Variants in PLA2R1 observed in about 807,000 individuals in gnomAD.
PLA2R1 encodes secretory phospholipase A2 receptor.
PLA2R1 carries 158 observed loss-of-function variants against 195.9 expected under a neutral mutation model. The observed-to-expected ratio is 0.81, with a 90% CI of 0.71 to 0.92. PLA2R1 has a LOEUF of 0.92. Among genes scored for constraint, PLA2R1 ranks in the 40% least tolerant of loss-of-function variants. PLA2R1 has a pLI of 0.00. For synonymous variants in PLA2R1, 586 were observed against 598.2 expected (o/e 0.98, Z 0.30); for missense variants, 1,626 against 1,764.6 (o/e 0.92, Z 1.41).
intron 14 of PLA2R1, among the ~76,000 whole-genome samples, chr2:159,979,060 A>G (rs1255513574): frequency 6.6e-6 from 1 of 152,186 alleles, no homozygotes; most frequent in Non-Finnish European, 1.5e-5. Context: ...AGCGCTTGGA[A>G]CAGTATAAGG....
intron 28 of PLA2R1, among the ~76,000 whole-genome samples, chr2:159,943,591 AG>A (rs1659049483): frequency 6.6e-6 from 1 of 151,640 alleles, no homozygotes; most frequent in African/African-American, 2.4e-5. Context: ...ATGTAGCCTC[AG>A]TTTGCACAGG....
intron 23 of PLA2R1, among the ~76,000 whole-genome samples, chr2:159,953,318 ATT>A (rs765662729): frequency 1.3e-5 from 2 of 152,120 alleles, no homozygotes; most frequent in African/African-American, 4.8e-5. Flanking sequence ...CAGTTTCTTA[ATT>A]TTTTTGGCAG....
chr2:159,929,615 A>C (rs1204753989), downstream of PLA2R1, among the ~76,000 whole-genome samples: 1 of 152,226 alleles, frequency 6.6e-6, no homozygotes, highest in East Asian at 1.9e-4. Context: ...AACTAAAGGT[A>C]GAACTACCAT....
At position 160,007,612 on chromosome 2, in the gene PLA2R1, C is replaced by G. The variant is rs1692085995; in HGVS notation, c.1665-1791G>C. On this transcript the variant is annotated intron_variant, in intron 10 of 29. Coordinates refer to ENST00000283243, the MANE Select transcript of PLA2R1 (RefSeq NM_007366.5). ...GAAGAAAGTTAAGAAAATAACTCCA[C>G]TTACAATAGTGCCCCCAAAATACAT... Among the ~76,000 whole-genome samples, 6 of 152,196 alleles carry G rather than the reference C, an allele frequency of 3.9e-5. No homozygotes were observed. In the South Asian group the frequency reaches 1.2e-3, roughly 32 times the overall value.
intron 25 of PLA2R1, among the ~76,000 whole-genome samples, 161 bp from the exon 26 acceptor site, chr2:159,947,720 T>A (rs1475499194): frequency 1.3e-5 from 2 of 152,214 alleles, no homozygotes; most frequent in Non-Finnish European, 2.9e-5. Context: ...ATTATAAAAC[T>A]AGGACCAGTT....
chr2:159,946,134 A>G (rs1469381158), intron 27 of PLA2R1: 2 of 762,898 alleles, frequency 2.6e-6, no homozygotes, highest in Non-Finnish European at 3.2e-6. Flanking sequence ...TCTGAAAATA[A>G]TTTAAAACTA....
rs202138037 is a variant in PLA2R1, at chr2:159,942,124, T to A, written c.4177+3A>T. ...AAAATGTTTTGTATGGTTTCAAACG[T>A]ACCTTTTTCTGGCAGCGCCTCTGCA... On this transcript the variant is annotated splice_donor_region_variant and intron_variant, in intron 29 of 29. Coordinates refer to ENST00000283243, the MANE Select transcript of PLA2R1 (RefSeq NM_007366.5). 1 of 1,610,262 alleles carries A rather than the reference T, an allele frequency of 6.2e-7. No homozygotes were observed. The highest frequency in any genetic ancestry group is 8.5e-7 in the Non-Finnish European group (1 of 1,176,758).
At chr2:160,020,482 A>T (rs1403938585) in intron 7 of PLA2R1, among the ~76,000 whole-genome samples, 1 of 152,128 alleles carries the variant, frequency 6.6e-6, no homozygotes, top group Non-Finnish European at 1.5e-5. Flanking sequence ...TCAGGTTGAA[A>T]CTTAATCCCC....
chr2:159,945,227 T>C (rs1192511968), intron 27 of PLA2R1, 145 bp from the exon 28 acceptor site: 2 of 282,722 alleles, frequency 7.1e-6, no homozygotes, highest in African/African-American at 2.3e-5. Flanking sequence ...CTTTAAGTTT[T>C]AGGGTACATG....
chr2:159,988,148 T>C (rs938620048), intron 11 of PLA2R1, among the ~76,000 whole-genome samples: 1 of 69,340 alleles, frequency 1.4e-5, no homozygotes, highest in African/African-American at 7.6e-5. Flanking sequence ...ATACAACTCA[T>C]ATGACAGCAA....
chr2:159,976,805 T>C (rs902222159), intron 15 of PLA2R1, 85 bp from the exon 16 acceptor site: 1 of 992,250 alleles, frequency 1.0e-6, no homozygotes, highest in Non-Finnish European at 1.6e-6. Flanking sequence ...AACACACTAT[T>C]TTGTCCTTCA....
intron 1 of PLA2R1, among the ~76,000 whole-genome samples, chr2:160,059,324 T>G (rs1258556497): frequency 1.3e-5 from 2 of 152,190 alleles, no homozygotes; most frequent in African/African-American, 4.8e-5. Context: ...GAGATGAGTT[T>G]CAGACCTGCC....
intron 6 of PLA2R1, among the ~76,000 whole-genome samples, chr2:160,023,506 ACCCTCAGTTCC>A (rs1046644421): frequency 1.3e-5 from 2 of 152,192 alleles, no homozygotes; most frequent in Non-Finnish European, 2.9e-5. Context: ...AGGGGGAGGA[ACCCTCAGTTCC>A]GAAAATTGTA....
Position 159,940,290 on chromosome 2 carries a change from T to C in PLA2R1, c.*1488A>G, listed in dbSNP as rs2125912473. 6.6e-6 allele frequency: 1 copy of C among 152,336 alleles called. No individual in the cohort carries two copies. Among genetic ancestry groups the C allele is most frequent in the Admixed American group, 6.5e-5 (1 of 15,306 alleles). The allele number at this position is 152,336 out of a possible 1,614,324, so 9.4% of individuals were successfully genotyped here. A position where few individuals can be genotyped will look rare whatever the true frequency, so the allele number is the denominator to read the frequency against. On this transcript the variant is annotated 3_prime_UTR_variant, in exon 30 of 30. Coordinates refer to ENST00000283243, the MANE Select transcript of PLA2R1 (RefSeq NM_007366.5). ...TCATAACCACTTGCTATTTTATGCA[T>C]ATGCATTTCTTTACTGAGTTACTGT...
intron 17 of PLA2R1, among the ~76,000 whole-genome samples, chr2:159,973,202 C>T (rs549682830): frequency 6.6e-6 from 1 of 152,226 alleles, no homozygotes; most frequent in African/African-American, 2.4e-5. Context: ...TCCAGCAGGA[C>T]GTTCTTAGGT....
intron 24 of PLA2R1, among the ~76,000 whole-genome samples, chr2:159,950,790 T>A (rs956332479): frequency 3.3e-5 from 5 of 152,184 alleles, no homozygotes; most frequent in African/African-American, 9.6e-5. Flanking sequence ...GGAGTAGAAC[T>A]AGGGGTCAGG....
chr2:159,947,621 AT>A, intron 25 of PLA2R1, 62 bp from the exon 26 acceptor site: 2 of 1,389,296 alleles, frequency 1.4e-6, no homozygotes, highest in Non-Finnish European at 2.0e-6. Context: ...TGAGATAAAT[AT>A]TACATTACAT....
chr2:159,965,086 C>CATT (rs1175083782), intron 20 of PLA2R1, among the ~76,000 whole-genome samples: 1 of 152,178 alleles, frequency 6.6e-6, no homozygotes, highest in Non-Finnish European at 1.5e-5. Context: ...CAGCCTCCCG[C>CATT]ATTATCACAT....
chr2:160,000,304 G>T (rs533184987), intron 11 of PLA2R1, among the ~76,000 whole-genome samples: 24 of 152,276 alleles, frequency 1.6e-4, no homozygotes, highest in African/African-American at 5.5e-4. Flanking sequence ...AATAAGAAAA[G>T]AAATAACTTT....
Sources: allele counts gnomAD v4.1 joint callset (sites outside exome capture counted in the v4.1 genomes callset), GRCh38; gene constraint gnomAD v4.1.1; transcripts MANE v1.5; gene names NCBI Gene and HGNC (gene_info 2026-07-23, HGNC 2026-07-21).